The following PKIB variants were observed in gnomAD, a reference collection of about 807,000 sequenced individuals.
PKIB encodes cAMP-dependent protein kinase inhibitor beta.
In PKIB, 2 loss-of-function variants were observed where a neutral mutation model predicts 4.5. The observed-to-expected ratio is 0.44, with a 90% CI of 0.18 to 1.39. The LOEUF (loss-of-function observed/expected upper bound fraction) is 1.39. PKIB is among the 40% of genes most tolerant of loss of function. The pLI is 0.27. For synonymous variants in PKIB, 38 were observed against 36.0 expected (o/e 1.06, Z -0.20); for missense variants, 94 against 92.6 (o/e 1.02, Z -0.06).
chr6:122,578,442 T>C (rs1009906063), intron 2 of PKIB, among the ~76,000 whole-genome samples: 1 of 152,226 alleles, frequency 6.6e-6, no homozygotes, highest in South Asian at 2.1e-4. Flanking sequence ...CATGCAAAAC[T>C]AATTTTCCTC....
intron 4 of PKIB, among the ~76,000 whole-genome samples, chr6:122,721,354 C>T (rs979163510): frequency 6.6e-6 from 1 of 152,102 alleles, no homozygotes; most frequent in Non-Finnish European, 1.5e-5. Context: ...AAAAAGGGTG[C>T]TGTAGTCAAA....
chr6:122,501,951 A>G (rs913395305), intron 2 of PKIB, among the ~76,000 whole-genome samples: 7 of 105,404 alleles, frequency 6.6e-5, no homozygotes, highest in African/African-American at 2.6e-4. Flanking sequence ...TTTTTTTTTA[A>G]TTTTATTTTA....
intron 3 of PKIB, among the ~76,000 whole-genome samples, chr6:122,688,654 T>G (rs1778189015): frequency 6.6e-6 from 1 of 152,168 alleles, no homozygotes; most frequent in South Asian, 2.1e-4. Context: ...TGTTCAGGTT[T>G]TGTATTTCTT....
intron 1 of PKIB, among the ~76,000 whole-genome samples, chr6:122,618,191 T>C (rs1775072566): frequency 6.6e-6 from 1 of 152,090 alleles, no homozygotes; most frequent in African/African-American, 2.4e-5. Context: ...AAGAGAAACA[T>C]ACCCAAACGA....
rs142804032 is a variant in PKIB, at chr6:122,475,126, C to T, written c.-336-2725C>T. 7.2e-3 allele frequency among the ~76,000 whole-genome samples: 1,090 copies of T among 151,972 alleles called. 10 individuals carry two copies. The highest frequency in any genetic ancestry group is 0.024 in the African/African-American group (992 of 41,426). On this transcript the variant is annotated intron_variant, in intron 1 of 6. Transcript: ENST00000392491. Reference sequence around the variant, plus strand: ...TCGGCTCACTGCAACCTCCACCTCCCAAATTCCAGCGATTCTCCTGCAACC... The same window carrying T: ...TCGGCTCACTGCAACCTCCACCTCCTAAATTCCAGCGATTCTCCTGCAACC...
At chr6:122,590,911 A>T (rs1184247597) in intron 3 of PKIB, among the ~76,000 whole-genome samples, 1 of 152,128 alleles carries the variant, frequency 6.6e-6, no homozygotes, top group Non-Finnish European at 1.5e-5. Flanking sequence ...AGGGATTGAG[A>T]TAAAAGTGTA....
Position 122,717,932 on chromosome 6 carries a change from C to T in PKIB, c.138C>T (p.Pro46=). ...SAATDGTSDL[P]LKLEALSVKE... The stretch of plus-strand genomic sequence containing the variant: ...CCACAGACGGAACCTCAGATTTGCC[C>T]CTCAAACTGGAGGCTCTCTCCGTGA... The change falls in exon 4 of 5, where the codon CCC becomes CCT. Residue 46 remains proline (P), a synonymous_variant. Coordinates refer to ENST00000368452, the MANE Select transcript of PKIB (RefSeq NM_181795.3). The T allele has an allele frequency of 6.2e-7, 1 of 1,613,728 alleles. No individual in the cohort carries two copies. The highest frequency in any genetic ancestry group is 8.5e-7 in the Non-Finnish European group (1 of 1,179,706).
intron 2 of PKIB, among the ~76,000 whole-genome samples, chr6:122,661,133 C>G (rs565996164): frequency 6.6e-6 from 1 of 152,152 alleles, no homozygotes; most frequent in Non-Finnish European, 1.5e-5. Context: ...ATATCGCACA[C>G]CGTAATCCTC....
intron 1 of PKIB, among the ~76,000 whole-genome samples, chr6:122,614,189 T>A (rs1774886928): frequency 6.6e-6 from 1 of 151,976 alleles, no homozygotes; most frequent in African/African-American, 2.4e-5. Flanking sequence ...GATGTTTAGA[T>A]AAAAATAAAA....
rs538133483 is a variant in PKIB, at chr6:122,699,905, G to A, written c.-8-17882G>A. The stretch of plus-strand genomic sequence containing the variant: ...TATCTCTTTGTCCTCTATTTTATAT[G>A]CCAGAACTCCCCTAATGTTATGGGG... On this transcript the variant is annotated intron_variant, in intron 3 of 4. Coordinates refer to ENST00000368452, the MANE Select transcript of PKIB (RefSeq NM_181795.3). Among the ~76,000 whole-genome samples, 6 of 152,228 alleles carry A rather than the reference G, an allele frequency of 3.9e-5. No individual in the cohort carries two copies. The East Asian group carries it at 1.2e-3, about 29-fold the overall frequency.
intron 2 of PKIB, among the ~76,000 whole-genome samples, chr6:122,496,606 A>G (rs1296073637): frequency 1.3e-5 from 2 of 152,222 alleles, no homozygotes; most frequent in Admixed American, 1.3e-4. Flanking sequence ...TTATCAGTAG[A>G]CTAAACCAAA....
At chr6:122,644,635 A>G (rs1776241449) in intron 2 of PKIB, 1 of 152,222 alleles carries the variant, frequency 6.6e-6, no homozygotes, top group Non-Finnish European at 1.5e-5. Context: ...TAATTATTTA[A>G]TAACATTTTA....
chr6:122,473,013 A>T (rs1430796720), intron 1 of PKIB, among the ~76,000 whole-genome samples: 1 of 152,178 alleles, frequency 6.6e-6, no homozygotes, highest in Non-Finnish European at 1.5e-5. Flanking sequence ...TCGGGAGGCG[A>T]GGCAGGAGAA....
intron 1 of PKIB, among the ~76,000 whole-genome samples, chr6:122,615,032 T>C (rs78718818): frequency 6.6e-6 from 1 of 152,094 alleles, no homozygotes; most frequent in South Asian, 2.1e-4. Context: ...GTGGATTTTG[T>C]TACACTCCAA....
At chr6:122,478,211 A>T (rs767951362) in intron 2 of PKIB, 3 of 152,120 alleles carry the variant, frequency 2.0e-5, no homozygotes, top group Non-Finnish European at 4.4e-5. Context: ...TGTCAGATGA[A>T]GCTTATGAGC....
intron 3 of PKIB, among the ~76,000 whole-genome samples, chr6:122,678,781 C>A (rs988685519): frequency 1.3e-5 from 2 of 152,134 alleles, no homozygotes; most frequent in Admixed American, 1.3e-4. Context: ...CTAGGAGAGT[C>A]AAAGAAGTCT....
chr6:122,587,291 C>T (rs1773879990), intron 3 of PKIB, among the ~76,000 whole-genome samples: 1 of 152,026 alleles, frequency 6.6e-6, no homozygotes, highest in Non-Finnish European at 1.5e-5. Flanking sequence ...GTTTTTTATC[C>T]TTGCGATAGT....
intron 2 of PKIB, among the ~76,000 whole-genome samples, chr6:122,543,349 C>T (rs974989059): frequency 6.6e-6 from 1 of 151,508 alleles, no homozygotes; most frequent in South Asian, 2.1e-4. Flanking sequence ...TTGGCCCCAC[C>T]CCCTCCTTTT....
chr6:122,716,810 G>A (rs951503597), intron 3 of PKIB, among the ~76,000 whole-genome samples: 7 of 152,088 alleles, frequency 4.6e-5, no homozygotes, highest in Middle Eastern at 3.4e-3. Flanking sequence ...TCCATCCTTC[G>A]GTCAATACTT....
Sources: gnomAD v4.1 joint callset for allele counts (sites outside exome capture counted in the v4.1 genomes callset) on GRCh38, gnomAD v4.1.1 for gene constraint, MANE v1.5 for transcripts, NCBI Gene and HGNC (gene_info 2026-07-23, HGNC 2026-07-21) for gene names.